The following SERPINB2 variants were observed in gnomAD, a reference collection of about 807,000 sequenced individuals.
The protein encoded by SERPINB2 is plasminogen activator inhibitor 2.
In SERPINB2, 28 loss-of-function variants were observed where a neutral mutation model predicts 39.4. That is an observed-to-expected ratio of 0.71 (90% CI 0.53 to 0.97). SERPINB2 has a LOEUF of 0.97. Among genes scored for constraint, SERPINB2 ranks in the 50% least tolerant of loss-of-function variants. SERPINB2 has a pLI of 0.00. For missense variants in SERPINB2, 557 were observed against 505.3 expected (o/e 1.10, Z -0.98); for synonymous variants, 209 against 175.1 (o/e 1.19, Z -1.53).
chr18:63,897,586 G>T, intron 4 of SERPINB2, 141 bp from the exon 5 acceptor site: 1 of 735,968 alleles, frequency 1.4e-6, no homozygotes, highest in East Asian at 2.5e-5. Context: ...TCCCCCTTCA[G>T]CACCTGCCTT....
chr18:63,902,324 C>A, intron 6 of SERPINB2, 80 bp from the exon 7 acceptor site: 1 of 1,269,860 alleles, frequency 7.9e-7, no homozygotes, highest in Non-Finnish European at 1.1e-6. Flanking sequence ...TAAAGTAGAA[C>A]CAATCCTCCT....
At chr18:63,892,609 A>C (rs541106876) in intron 2 of SERPINB2, 2 of 152,292 alleles carry the variant, frequency 1.3e-5, no homozygotes, top group South Asian at 4.2e-4. Flanking sequence ...CCAGTTTCCC[A>C]CGAGAATGTA....
intron 2 of SERPINB2, among the ~76,000 whole-genome samples, chr18:63,892,188 A>T (rs745858684): frequency 5.9e-5 from 9 of 152,020 alleles, no homozygotes; most frequent in Admixed American, 3.9e-4. Context: ...GCTGCAGAAG[A>T]TCATGCCTGT....
intron 1 of SERPINB2, among the ~76,000 whole-genome samples, chr18:63,888,768 TC>T (rs1296128105): frequency 1.3e-5 from 2 of 152,194 alleles, no homozygotes; most frequent in African/African-American, 4.8e-5. Context: ...CATTAATTCA[TC>T]CCAGTAATAC....
chr18:63,888,257 G>A (rs553955395), intron 1 of SERPINB2, among the ~76,000 whole-genome samples: 20 of 152,120 alleles, frequency 1.3e-4, no homozygotes, highest in Non-Finnish European at 2.5e-4. Context: ...ATTTGGGCTG[G>A]GTCAATCTAG....
rs1282855460 is a variant in SERPINB2, at chr18:63,903,790, A to G, written c.*485A>G. 2 of 152,244 alleles carry G rather than the reference A, an allele frequency of 1.3e-5. No individual in the cohort carries two copies. Among genetic ancestry groups the G allele is most frequent in the Admixed American group, 6.6e-5 (1 of 15,264 alleles). 9.4% of individuals were successfully genotyped at this position (152,244 alleles called of 1,614,324 possible). A position where few individuals can be genotyped will look rare whatever the true frequency, so the allele number is the denominator to read the frequency against. On this transcript the variant is annotated 3_prime_UTR_variant, in exon 8 of 8. Coordinates refer to ENST00000299502, the MANE Select transcript of SERPINB2 (RefSeq NM_002575.3). ...AAAACATTAAACAATAGGCAAATAT[A>G]TGTTATGTGCATTTCTAGAAATACA... is the stretch of plus-strand genomic sequence containing the variant.
At chr18:63,901,541 A>AT (rs991898178) in intron 5 of SERPINB2, among the ~76,000 whole-genome samples, 199 bp from the exon 6 acceptor site, 1 of 151,938 alleles carries the variant, frequency 6.6e-6, no homozygotes, top group African/African-American at 2.4e-5. Flanking sequence ...TTATTTCTTC[A>AT]TTTTTTCTTG....
intron 3 of SERPINB2, 76 bp from the exon 4 acceptor site, chr18:63,897,015 C>A: frequency 1.4e-6 from 2 of 1,398,352 alleles, no homozygotes; most frequent in Non-Finnish European, 1.9e-6. Context: ...TATTCAAAAA[C>A]TATTACCATG....
intron 6 of SERPINB2, 104 bp from the exon 7 acceptor site, chr18:63,902,300 C>A: frequency 9.7e-7 from 1 of 1,033,334 alleles, no homozygotes. Context: ...AAAAAAATCA[C>A]ATTTATCCTA....
At chr18:63,896,218 G>A (rs1336367854) in intron 3 of SERPINB2, among the ~76,000 whole-genome samples, 4 of 152,126 alleles carry the variant, frequency 2.6e-5, no homozygotes, top group South Asian at 2.1e-4. Flanking sequence ...TGGAGATTCC[G>A]CCAGGTGTTC....
At chr18:63,896,249 C>T (rs1404520507) in intron 3 of SERPINB2, among the ~76,000 whole-genome samples, 1 of 152,196 alleles carries the variant, frequency 6.6e-6, no homozygotes, top group South Asian at 2.1e-4. Flanking sequence ...GGCAGTCCAT[C>T]AGGAGGGCTC....
At chr18:63,890,827 C>T (rs929555147) in intron 1 of SERPINB2, 2 of 152,480 alleles carry the variant, frequency 1.3e-5, no homozygotes, top group Non-Finnish European at 2.9e-5. Flanking sequence ...TCCAAACCTT[C>T]AAACAATGAG....
chr18:63,895,409 C>T (rs1461683468), intron 3 of SERPINB2, 26 bp downstream of exon 3: 8 of 1,613,650 alleles, frequency 5.0e-6, no homozygotes, highest in Non-Finnish European at 5.9e-6. Context: ...GTCCAAATTT[C>T]TTTTGTGGTT....
At chr18:63,891,925 A>G (rs1005027435) in intron 2 of SERPINB2, among the ~76,000 whole-genome samples, 3 of 152,148 alleles carry the variant, frequency 2.0e-5, no homozygotes, top group African/African-American at 7.2e-5. Context: ...AGTGTTTTGT[A>G]CCCATTATCT....
intron 1 of SERPINB2, chr18:63,890,517 C>T (rs1280126878): frequency 6.6e-6 from 1 of 152,130 alleles, no homozygotes; most frequent in Non-Finnish European, 1.5e-5. Flanking sequence ...TTGGTCAGGA[C>T]CAAAAAACAC....
chr18:63,897,056 T>G, intron 3 of SERPINB2, 35 bp from the exon 4 acceptor site: 1 of 1,597,926 alleles, frequency 6.3e-7, no homozygotes, highest in Non-Finnish European at 8.5e-7. Flanking sequence ...AGTAGTTCTG[T>G]GTTATATATA....
chr18:63,893,302 C>G (rs9320030), intron 2 of SERPINB2, among the ~76,000 whole-genome samples: 40,218 of 152,058 alleles, frequency 0.26, 5,775 homozygotes, highest in East Asian at 0.48. Context: ...ATGAAGTGCT[C>G]TGGGTTGTTA....
chr18:63,901,390 C>A (rs1055754004), intron 5 of SERPINB2, among the ~76,000 whole-genome samples: 2 of 152,134 alleles, frequency 1.3e-5, no homozygotes, highest in Non-Finnish European at 2.9e-5. Flanking sequence ...TTTGGAAAGG[C>A]ACTATTATAT....
chr18:63,892,055 T>C (rs1254023880), intron 2 of SERPINB2, among the ~76,000 whole-genome samples: 1 of 152,002 alleles, frequency 6.6e-6, no homozygotes. Context: ...ACTGTGGTGT[T>C]TGTTCCCTAT....
Sources: allele counts gnomAD v4.1 joint callset (sites outside exome capture counted in the v4.1 genomes callset), GRCh38; gene constraint gnomAD v4.1.1; transcripts MANE v1.5; gene names NCBI Gene and HGNC (gene_info 2026-07-23, HGNC 2026-07-21).